Variants in GRIK1 observed in about 807,000 individuals in gnomAD.
GRIK1 encodes the protein glutamate receptor ionotropic, kainate 1.
GRIK1 carries 69 observed loss-of-function variants against 105.7 expected under a neutral mutation model. The observed-to-expected ratio is 0.65, with a 90% CI of 0.54 to 0.80. GRIK1 has a LOEUF of 0.80. Among genes scored for constraint, GRIK1 ranks in the 30% least tolerant of loss-of-function variants. GRIK1 has a pLI of 0.00. For missense variants in GRIK1, 1,109 were observed against 1,167.3 expected, an observed-to-expected ratio of 0.95 and a Z score of 0.73; for synonymous variants, 438 against 431.3, an observed-to-expected ratio of 1.02 and a Z score of -0.19.
intron 1 of GRIK1, among the ~76,000 whole-genome samples, chr21:29,851,465 T>G (rs1294869885): frequency 1.3e-5 from 2 of 152,186 alleles, no homozygotes; most frequent in Non-Finnish European, 2.9e-5. Flanking sequence ...GTGAACAACA[T>G]CCTCTTCCCA....
At chr21:29,879,930 T>A (rs555797741) in intron 1 of GRIK1, among the ~76,000 whole-genome samples, 5 of 152,232 alleles carry the variant, frequency 3.3e-5, no homozygotes, top group African/African-American at 1.2e-4. Flanking sequence ...AAAGGCCTAT[T>A]AGCATTTAAC....
intron 1 of GRIK1, among the ~76,000 whole-genome samples, chr21:29,935,563 T>C (rs984193366): frequency 6.6e-6 from 1 of 152,134 alleles, no homozygotes; most frequent in Non-Finnish European, 1.5e-5. Flanking sequence ...GGTTAAAATA[T>C]CCAAAATGAT....
At chr21:29,560,566 T>TCTCTCTCTCTCTCTC (rs2090448048) in intron 15 of GRIK1, among the ~76,000 whole-genome samples, 2 of 121,576 alleles carry the variant, frequency 1.6e-5, no homozygotes, top group African/African-American at 8.5e-5. Context: ...CTTTCTTTCT[T>TCTCTCTCTCTCTCTC]TCTTTCTTTC....
intron 1 of GRIK1, among the ~76,000 whole-genome samples, chr21:29,764,856 C>T (rs456601): frequency 0.8 from 121,711 of 152,124 alleles, 48,928 homozygotes; most frequent in East Asian, 0.88. Flanking sequence ...TCACCTTATC[C>T]TTAACAAGCT....
At chr21:29,579,574 A>G (rs528525042) in intron 13 of GRIK1, among the ~76,000 whole-genome samples, 39 of 152,332 alleles carry the variant, frequency 2.6e-4, no homozygotes, top group African/African-American at 8.4e-4. Context: ...CCAATTGAGT[A>G]CAGTGACAAG....
intron 1 of GRIK1, among the ~76,000 whole-genome samples, chr21:29,855,215 C>G (rs765209295): frequency 1.3e-5 from 2 of 152,122 alleles, no homozygotes; most frequent in Non-Finnish European, 2.9e-5. Flanking sequence ...AAGCTAATTC[C>G]TAGCCCATTG....
At chr21:29,764,982 A>G (rs2065621567) in intron 1 of GRIK1, among the ~76,000 whole-genome samples, 1 of 152,220 alleles carries the variant, frequency 6.6e-6, no homozygotes, top group African/African-American at 2.4e-5. Context: ...TGTTTTATAC[A>G]TTATTATTGA....
At chr21:29,872,086 CAAAT>C (rs991257242) in intron 1 of GRIK1, among the ~76,000 whole-genome samples, 1 of 151,562 alleles carries the variant, frequency 6.6e-6, no homozygotes, top group African/African-American at 2.4e-5. Flanking sequence ...TTTAAAATGA[CAAAT>C]AAAAACTGTA....
intron 16 of GRIK1, among the ~76,000 whole-genome samples, chr21:29,550,343 C>T (rs1007979989): frequency 6.6e-6 from 1 of 152,042 alleles, no homozygotes; most frequent in Non-Finnish European, 1.5e-5. Flanking sequence ...GATTGAATGC[C>T]AAACATGTGT....
chr21:29,893,673 T>A (rs1020426195), intron 1 of GRIK1, among the ~76,000 whole-genome samples: 2 of 152,166 alleles, frequency 1.3e-5, no homozygotes, highest in African/African-American at 4.8e-5. Flanking sequence ...ACCGCTTGCG[T>A]GTTGGGCACT....
chr21:29,807,232 T>C (rs978339616), intron 1 of GRIK1, among the ~76,000 whole-genome samples: 2 of 152,158 alleles, frequency 1.3e-5, no homozygotes, highest in African/African-American at 4.8e-5. Context: ...GCCAATGATG[T>C]ATGAAGGATC....
intron 1 of GRIK1, among the ~76,000 whole-genome samples, chr21:29,924,952 A>G (rs1027968586): frequency 6.6e-6 from 1 of 152,200 alleles, no homozygotes; most frequent in Admixed American, 6.5e-5. Flanking sequence ...CTCAAGGAGC[A>G]ATCATTACGA....
rs2033429423 is a variant in GRIK1, at chr21:29,888,716, C to G, written c.118+50667G>C. Among the ~76,000 whole-genome samples, 2 of 152,158 alleles carry G rather than the reference C, an allele frequency of 1.3e-5. 1 individual carries two copies. Among genetic ancestry groups the G allele is most frequent in the South Asian group, 4.1e-4 (2 of 4,822 alleles). On this transcript the variant is annotated intron_variant, in intron 1 of 17. Transcript: ENST00000327783. ...CAACTGATGTGCAGCATTGCAACAG[C>G]CTGAAGCCTTTTTATACACACTTGT...
intron 1 of GRIK1, among the ~76,000 whole-genome samples, chr21:29,751,251 T>TGATATATCTTATTA (rs2065193661): frequency 6.6e-6 from 1 of 152,174 alleles, no homozygotes; most frequent in Non-Finnish European, 1.5e-5. Flanking sequence ...TGATTATATT[T>TGATATATCTTATTA]GATATATCTT....
chr21:29,927,539 C>T (rs1296243761), intron 1 of GRIK1, among the ~76,000 whole-genome samples: 3 of 149,878 alleles, frequency 2.0e-5, no homozygotes, highest in Non-Finnish European at 4.4e-5. Flanking sequence ...TAAATGCAGC[C>T]ATATACACAC....
chr21:29,694,668 A>G (rs1233714609), intron 1 of GRIK1, among the ~76,000 whole-genome samples: 4 of 152,224 alleles, frequency 2.6e-5, no homozygotes. Context: ...AATATGGCAG[A>G]GGACGATTTT....
At chr21:29,620,812 T>TATATAGATAGATAG (rs1568897717) in intron 7 of GRIK1, among the ~76,000 whole-genome samples, 1 of 117,500 alleles carries the variant, frequency 8.5e-6, no homozygotes, top group African/African-American at 4.1e-5. Flanking sequence ...TATAGATATA[T>TATATAGATAGATAG]ATATATAGTA....
chr21:29,593,355 C>G (rs1197455004), intron 9 of GRIK1, among the ~76,000 whole-genome samples: 1 of 152,140 alleles, frequency 6.6e-6, no homozygotes, highest in Non-Finnish European at 1.5e-5. Context: ...CATTATACGT[C>G]TAATGGTTGA....
intron 7 of GRIK1, among the ~76,000 whole-genome samples, chr21:29,638,224 G>A (rs781255880): frequency 5.9e-5 from 9 of 151,998 alleles, no homozygotes; most frequent in Non-Finnish European, 1.2e-4. Flanking sequence ...GGAGGCCTCA[G>A]GAAACTTACA....
Sources: gnomAD v4.1 joint callset for allele counts (sites outside exome capture counted in the v4.1 genomes callset) on GRCh38, gnomAD v4.1.1 for gene constraint, MANE v1.5 for transcripts, NCBI Gene and HGNC (gene_info 2026-07-23, HGNC 2026-07-21) for gene names.